Variants in ELFN2 observed in about 807,000 individuals in gnomAD.
ELFN2 encodes extracellular leucine rich repeat and fibronectin type III domain containing 2, also known as protein phosphatase 1 regulatory subunit 29.
In ELFN2, 17 loss-of-function variants were observed where a neutral mutation model predicts 45.5. The ratio of observed to expected loss-of-function variants is 0.37; its 90% CI spans 0.26 to 0.56. ELFN2 has a LOEUF of 0.56. Among genes scored for constraint, ELFN2 ranks in the 20% least tolerant of loss-of-function variants. The pLI is 0.77. For synonymous variants in ELFN2, 550 were observed against 551.5 expected, an observed-to-expected ratio of 1.00 and a Z score of 0.04; for missense variants, 922 against 1,183.2, an observed-to-expected ratio of 0.78 and a Z score of 3.24.
Position 37,372,810 on chromosome 22 carries a change from T to G in ELFN2, c.*262A>C, listed in dbSNP as rs1164634166. 4.8e-6 allele frequency: 2 copies of G among 417,350 alleles called. No individual in the cohort carries two copies. Among genetic ancestry groups the G allele is most frequent in the Non-Finnish European group, 8.7e-6 (2 of 229,950 alleles). The allele number at this position is 417,350 out of a possible 1,614,324, so 25.9% of individuals were successfully genotyped here. On this transcript the variant is annotated 3_prime_UTR_variant, in exon 3 of 3. Transcript: ENST00000402918. This position sits in a 1 kb window ranked among gnomAD's most constrained non-coding sequence, Gnocchi z 4.4. Reference sequence around the variant, plus strand: ...CCAGCAGAGTCCCTGGGCAGCACAGTAAAGACGACTGGTTTCGGTATCAGT... The same window carrying G: ...CCAGCAGAGTCCCTGGGCAGCACAGGAAAGACGACTGGTTTCGGTATCAGT...
At chr22:37,358,780 C>A (rs919366375) in intron 1 of ELFN2, among the ~76,000 whole-genome samples, 2 of 152,168 alleles carry the variant, frequency 1.3e-5, no homozygotes, top group Admixed American at 6.5e-5. Context: ...CTGCTATCAT[C>A]CCCCAAGTGA....
In ELFN2 at chr22:37,374,752, G is replaced by A. The variant is rs751778016; in HGVS notation, c.783C>T (p.Tyr261=). The change falls in exon 3 of 3, where the codon TAC becomes TAT. Residue 261 remains tyrosine (Y), a synonymous_variant. Coordinates refer to ENST00000402918, the MANE Select transcript of ELFN2 (RefSeq NM_052906.5). The part of the protein sequence containing the change: ...PARPVSHPTP[Y]STDAQREPDE... ...CTGGCTCCCTCTGGGCGTCGGTGGA[G>A]TAGGGCGTGGGGTGGCTCACGGGCC... The A allele has an allele frequency of 6.2e-7, 1 of 1,610,884 alleles. No homozygotes were observed. Among genetic ancestry groups the A allele is most frequent in the South Asian group, 1.1e-5 (1 of 91,050 alleles).
intron 2 of ELFN2, among the ~76,000 whole-genome samples, chr22:37,408,826 C>G (rs1279383269): frequency 6.6e-6 from 1 of 152,166 alleles, no homozygotes; most frequent in Non-Finnish European, 1.5e-5. Context: ...GTGACAGTAT[C>G]TATTTTGCTG....
intron 1 of ELFN2, among the ~76,000 whole-genome samples, chr22:37,347,181 G>GT (rs1930718407): frequency 6.6e-6 from 1 of 151,992 alleles, no homozygotes; most frequent in African/African-American, 2.4e-5. Context: ...GTTTCAACAT[G>GT]TTGGCCAGGC....
chr22:37,410,943 C>T (rs1235303802), intron 2 of ELFN2, among the ~76,000 whole-genome samples: 1 of 152,224 alleles, frequency 6.6e-6, no homozygotes, highest in Non-Finnish European at 1.5e-5. Context: ...AGGCCCCAGC[C>T]TGTCTCCAGC....
chr22:37,373,479 C>T lies in ELFN2; in HGVS notation c.2056G>A (p.Gly686Arg), dbSNP rs770082574. Residue 686 changes from glycine (G) to arginine (R), a missense_variant, in exon 3 of 3, where the codon GGG becomes AGG. Physicochemically the swap from Gly to Arg is moderately radical, Grantham distance 125. Coordinates refer to ENST00000402918, the MANE Select transcript of ELFN2 (RefSeq NM_052906.5). ...RLPLVPAGSG[G>R]GSGGGGGIHH... is the part of the protein sequence containing the mutation. Reference sequence around the variant, plus strand: ...ATGCCCCCGCCCCCGCCGCTGCCCCCGCCGCTGCCCGCCGGCACCAGCGGG... The same window carrying T: ...ATGCCCCCGCCCCCGCCGCTGCCCCTGCCGCTGCCCGCCGGCACCAGCGGG... The T allele has an allele frequency of 2.9e-5, 45 of 1,541,356 alleles. No homozygotes were observed. Among genetic ancestry groups the T allele is most frequent in the Non-Finnish European group, 3.6e-5 (41 of 1,145,552 alleles).
chr22:37,383,894 G>T (rs1931860431), intron 2 of ELFN2, among the ~76,000 whole-genome samples: 1 of 152,176 alleles, frequency 6.6e-6, no homozygotes, highest in African/African-American at 2.4e-5. Flanking sequence ...AGGGGCATGG[G>T]GCTGGGCCGC....
chr22:37,364,820 T>G (rs1931165955), downstream of ELFN2, among the ~76,000 whole-genome samples: 1 of 152,178 alleles, frequency 6.6e-6, no homozygotes, highest in African/African-American at 2.4e-5. Flanking sequence ...AGGCTGGGGC[T>G]GGGCGGTGGG....
In ELFN2 at chr22:37,374,454, C is replaced by T. The variant is rs572435588; in HGVS notation, c.1081G>A (p.Val361Met). ...LRAHTEYTFC[V>M]TSLRNSRRFN... ...CGGCGGCTGTTGCGCAGCGAGGTCA[C>T]GCAGAAGGTGTACTCAGTGTGCGCC... The change falls in exon 3 of 3, where the codon GTG becomes ATG. Residue 361 changes from valine (V) to methionine (M), a missense_variant. Coordinates refer to ENST00000402918, the MANE Select transcript of ELFN2 (RefSeq NM_052906.5). 9 of 1,614,022 alleles carry T rather than the reference C, an allele frequency of 5.6e-6. No individual in the cohort carries two copies. Among genetic ancestry groups the T allele is most frequent in the African/African-American group, 2.7e-5 (2 of 74,950 alleles).
chr22:37,379,868 G>C (rs989903904), intron 2 of ELFN2, among the ~76,000 whole-genome samples: 1 of 152,094 alleles, frequency 6.6e-6, no homozygotes, highest in East Asian at 1.9e-4. Flanking sequence ...CCTAGGTCCC[G>C]GGCCCCTCTC....
downstream of ELFN2, among the ~76,000 whole-genome samples, chr22:37,367,270 C>A (rs985869710): frequency 6.6e-6 from 1 of 152,218 alleles, no homozygotes; most frequent in African/African-American, 2.4e-5. Flanking sequence ...GTCCACTGGA[C>A]GCTGACCTGA....
intron 2 of ELFN2, among the ~76,000 whole-genome samples, chr22:37,397,525 C>T (rs1283431094): frequency 6.6e-6 from 1 of 152,198 alleles, no homozygotes; most frequent in Non-Finnish European, 1.5e-5. Context: ...ACAGTCTGGT[C>T]AGACGGGTGC....
In ELFN2 at chr22:37,349,369, C is replaced by G. The variant is rs553578089; in HGVS notation, n.149-6666G>C. Among the ~76,000 whole-genome samples the G allele has an allele frequency of 1.3e-5, 2 of 151,214 alleles. 1 individual carries two copies. The highest frequency in any genetic ancestry group is 3.0e-5 in the Non-Finnish European group (2 of 67,350). On this transcript the variant is annotated intron_variant and non_coding_transcript_variant, in intron 1 of 2. Transcript: ENST00000452946. ...GGCCCAGCCCTGGGGATCCACGGTG[C>G]CCCCGGCCCAGATTCCCTGCACCTG...
chr22:37,378,196 C>T lies in ELFN2; in HGVS notation c.-462-2200G>A, dbSNP rs574016692. 8.0e-4 allele frequency among the ~76,000 whole-genome samples: 122 copies of T among 152,330 alleles called. No homozygotes were observed. In the Middle Eastern group the frequency reaches 0.01, roughly 13 times the overall value. ...ACGTCCTCTGCATCAGCTTCGGGGG[C>T]ATGTGCTTGTGTGTGCAGGGGCAGG... On this transcript the variant is annotated intron_variant, in intron 2 of 2. Transcript: ENST00000402918.
At chr22:37,425,947 TA>T (rs1288595066) in intron 1 of ELFN2, among the ~76,000 whole-genome samples, 1 of 150,490 alleles carries the variant, frequency 6.6e-6, no homozygotes, top group Non-Finnish European at 1.5e-5. Flanking sequence ...CGCCTCTCGG[TA>T]ACCGCGCCGG....
chr22:37,356,593 C>T (rs534587743), intron 1 of ELFN2, among the ~76,000 whole-genome samples: 4 of 152,252 alleles, frequency 2.6e-5, no homozygotes, highest in African/African-American at 9.6e-5. Context: ...TCTACACCTG[C>T]GCACCCACCT....
intron 2 of ELFN2, among the ~76,000 whole-genome samples, chr22:37,395,010 C>A (rs1163075575): frequency 6.6e-6 from 1 of 151,934 alleles, no homozygotes; most frequent in East Asian, 1.9e-4. Flanking sequence ...GGCTGAGAGG[C>A]AGGAGAATCA....
At chr22:37,425,870 TACACACACACACAC>T (rs133723) in intron 1 of ELFN2, among the ~76,000 whole-genome samples, 1 of 145,682 alleles carries the variant, frequency 6.9e-6, no homozygotes, top group Non-Finnish European at 1.5e-5. Context: ...CACATACACA[TACACACACACACAC>T]ACACACACAC....
chr22:37,392,565 G>A lies in ELFN2; in HGVS notation c.-462-16569C>T, dbSNP rs189486504. Among the ~76,000 whole-genome samples the A allele has an allele frequency of 1.5e-3, 227 of 152,186 alleles. 2 individuals are homozygous for A. The highest frequency in any genetic ancestry group is 5.3e-3 in the African/African-American group (219 of 41,496). On this transcript the variant is annotated intron_variant, in intron 2 of 2. Transcript: ENST00000402918. ...GATCTCCTGACCTCGTGATCCACCC[G>A]CCTTGGCCTCCCAAAGTGCTGGGAT...
Sources: gnomAD v4.1 joint callset for allele counts (sites outside exome capture counted in the v4.1 genomes callset) on GRCh38, gnomAD v4.1.1 for gene constraint, Gnocchi (gnomAD v3.1) non-coding constraint, MANE v1.5 for transcripts, NCBI Gene and HGNC (gene_info 2026-07-23, HGNC 2026-07-21) for gene names.